ROBO2: variants seen among roughly 807,000 people sequenced by gnomAD.
ROBO2 encodes the protein roundabout homolog 2.
Under a neutral mutation model 160.8 loss-of-function variants are expected in ROBO2, and 53 were observed. The observed-to-expected ratio is 0.33, with a 90% CI of 0.26 to 0.41. ROBO2 has a LOEUF of 0.41. Among genes scored for constraint, ROBO2 ranks in the 10% least tolerant of loss-of-function variants. The probability of loss-of-function intolerance (pLI) is 1.00; values close to 1 mark genes in which losing one functional copy is unlikely to be tolerated. For missense variants in ROBO2, 1,577 were observed against 1,722.4 expected (o/e 0.92, Z 1.49); for synonymous variants, 664 against 611.7 (o/e 1.09, Z -1.26).
At position 76,281,608 on chromosome 3, in the gene ROBO2, T is replaced by C. The variant is rs187534431; in HGVS notation, c.109+344006T>C. The stretch of plus-strand genomic sequence containing the variant: ...GTTCTAACTTATCCTGTGTGTGACT[T>C]TTCTTACATCACTTCCCTTTGCTGG... On this transcript the variant is annotated intron_variant, in intron 2 of 26. Coordinates refer to the ROBO2 transcript ENST00000487694. 5.5e-5 allele frequency among the ~76,000 whole-genome samples: 8 copies of C among 144,726 alleles called. No individual in the cohort carries two copies. In the East Asian group the frequency reaches 1.7e-3, roughly 30 times the overall value. 94.9% of individuals were successfully genotyped at this position (144,726 alleles called of 152,430 possible). A position where few individuals can be genotyped will look rare whatever the true frequency, so the allele number is the denominator to read the frequency against.
chr3:77,581,413 A>G (rs1303949980), intron 16 of ROBO2, among the ~76,000 whole-genome samples: 1 of 152,104 alleles, frequency 6.6e-6, no homozygotes, highest in Non-Finnish European at 1.5e-5. Context: ...TTTCTTCTAG[A>G]AGCTTTATAA....
chr3:77,015,557 G>C (rs1035665606), intron 2 of ROBO2, among the ~76,000 whole-genome samples: 1 of 152,170 alleles, frequency 6.6e-6, no homozygotes, highest in African/African-American at 2.4e-5. Context: ...CAATGTTGGC[G>C]TTGGGTAGCA....
chr3:76,488,588 G>A (rs942386549), intron 2 of ROBO2, among the ~76,000 whole-genome samples: 5 of 152,016 alleles, frequency 3.3e-5, no homozygotes, highest in African/African-American at 1.2e-4. Context: ...AGATTTAAAG[G>A]GCTCATGTGA....
At chr3:76,594,529 C>G (rs1281145813) in intron 2 of ROBO2, among the ~76,000 whole-genome samples, 1 of 151,918 alleles carries the variant, frequency 6.6e-6, no homozygotes, top group Non-Finnish European at 1.5e-5. Context: ...TCCTAAAGAG[C>G]CTTATCCAAA....
rs956328770 is a variant in ROBO2 at position 77,047,919 on chromosome 3, C to G, written c.61+7073C>G. Among the ~76,000 whole-genome samples the G allele has an allele frequency of 6.4e-4, 96 of 150,248 alleles. 1 individual carries two copies. Among genetic ancestry groups the G allele is most frequent in the Non-Finnish European group, 2.1e-4 (14 of 67,560 alleles). On this transcript the variant is annotated intron_variant, in intron 1 of 25. Transcript: ENST00000461745. ...ATAATTAGCCGGGTGTGGTGGCGGG[C>G]GCCTGTAGTCCCAGCTACTTGGGAG...
chr3:76,825,863 C>T (rs1277228850), intron 2 of ROBO2, among the ~76,000 whole-genome samples: 1 of 151,952 alleles, frequency 6.6e-6, no homozygotes, highest in African/African-American at 2.4e-5. Flanking sequence ...TGTTAACATT[C>T]GTTCCGTTGA....
intron 2 of ROBO2, among the ~76,000 whole-genome samples, chr3:76,008,701 A>T (rs942946736): frequency 1.3e-5 from 2 of 149,620 alleles, no homozygotes; most frequent in Non-Finnish European, 3.0e-5. Context: ...AGAATCCTCT[A>T]TCTTGTCCTT....
intron 2 of ROBO2, among the ~76,000 whole-genome samples, chr3:77,109,036 T>C (rs13061481): frequency 0.078 from 11,909 of 151,796 alleles, 508 homozygotes; most frequent in East Asian, 0.14. Context: ...TCAGGTATAG[T>C]AGGATGAGGA....
intron 1 of ROBO2, among the ~76,000 whole-genome samples, chr3:77,066,910 C>CA (rs922290848): frequency 1.3e-5 from 2 of 151,796 alleles, no homozygotes; most frequent in Non-Finnish European, 2.9e-5. Context: ...TTTTAGTTTG[C>CA]AAATGTTTGA....
intron 2 of ROBO2, among the ~76,000 whole-genome samples, chr3:76,975,502 C>G (rs958797806): frequency 2.0e-5 from 3 of 152,150 alleles, no homozygotes; most frequent in Admixed American, 2.0e-4. Context: ...GAGACTGCGA[C>G]TGTGTCTTAA....
At position 76,544,394 on chromosome 3, in the gene ROBO2, T is replaced by C. The variant is rs116588071; in HGVS notation, c.110-553620T>C. 3.7e-3 allele frequency among the ~76,000 whole-genome samples: 568 copies of C among 152,204 alleles called. 6 individuals are homozygous for C. The highest frequency in any genetic ancestry group is 0.013 in the African/African-American group (546 of 41,582). On this transcript the variant is annotated intron_variant, in intron 2 of 26. Transcript: ENST00000487694. ...TTTTGAAAGTCAAAAATAATTAACA[T>C]GATCATTTATTTATATTAAAATGAA... is the stretch of plus-strand genomic sequence containing the variant.
intron 2 of ROBO2, among the ~76,000 whole-genome samples, chr3:76,211,576 A>C (rs1703147601): frequency 6.6e-6 from 1 of 152,124 alleles, no homozygotes; most frequent in Admixed American, 6.6e-5. Flanking sequence ...CCTTACAAGC[A>C]ATGCTTTTTA....
intron 2 of ROBO2, among the ~76,000 whole-genome samples, chr3:76,336,188 T>A (rs2073879330): frequency 6.6e-6 from 1 of 152,076 alleles, no homozygotes; most frequent in African/African-American, 2.4e-5. Flanking sequence ...GGTTCCAAAA[T>A]GGTCCATGAT....
intron 2 of ROBO2, among the ~76,000 whole-genome samples, chr3:77,194,915 T>A (rs2082178723): frequency 6.6e-6 from 1 of 152,190 alleles, no homozygotes; most frequent in Non-Finnish European, 1.5e-5. Flanking sequence ...TATAAATATT[T>A]AATTTCCATT....
intron 2 of ROBO2, among the ~76,000 whole-genome samples, chr3:76,386,203 T>TTAA (rs958692548): frequency 1.3e-5 from 2 of 152,154 alleles, no homozygotes; most frequent in Non-Finnish European, 2.9e-5. Context: ...TCATGCACAT[T>TTAA]TAATAAACAC....
chr3:77,413,644 G>A (rs559194212), intron 2 of ROBO2, among the ~76,000 whole-genome samples: 46 of 152,292 alleles, frequency 3.0e-4, no homozygotes, highest in Admixed American at 2.7e-3. Context: ...TGGAATCAGC[G>A]GAGAGGTTAA....
intron 2 of ROBO2, among the ~76,000 whole-genome samples, chr3:76,002,558 G>A (rs1374447924): frequency 6.6e-6 from 1 of 152,066 alleles, no homozygotes; most frequent in African/African-American, 2.4e-5. Flanking sequence ...CCTTTTGCTT[G>A]GTTCTCATTT....
chr3:76,922,277 C>G (rs1216604310), intron 2 of ROBO2, among the ~76,000 whole-genome samples: 3 of 152,194 alleles, frequency 2.0e-5, no homozygotes, highest in African/African-American at 7.2e-5. Flanking sequence ...CACCACTGCA[C>G]TCCAGCCTGG....
intron 2 of ROBO2, among the ~76,000 whole-genome samples, chr3:75,942,794 A>C (rs574669894): frequency 1.3e-5 from 2 of 152,272 alleles, no homozygotes; most frequent in South Asian, 2.1e-4. Context: ...CTTTAAAGAC[A>C]GTATACTTTT....
Sources: allele counts gnomAD v4.1 joint callset (sites outside exome capture counted in the v4.1 genomes callset), GRCh38; gene constraint gnomAD v4.1.1; transcripts MANE v1.5; gene names NCBI Gene and HGNC (gene_info 2026-07-23, HGNC 2026-07-21).